Variants in TBC1D19 observed in about 807,000 individuals in gnomAD.
The protein encoded by TBC1D19 is TBC1 domain family, member 19.
Under a neutral mutation model 89.0 loss-of-function variants are expected in TBC1D19, and 60 were observed. That is an observed-to-expected ratio of 0.67 (90% CI 0.55 to 0.84). The LOEUF (loss-of-function observed/expected upper bound fraction) is 0.84. Ranked by LOEUF, TBC1D19 falls within the 40% of genes least tolerant of loss-of-function variation. The pLI is 0.00. For missense variants in TBC1D19, 500 were observed against 610.8 expected (o/e 0.82, Z 1.91); for synonymous variants, 189 against 199.7 (o/e 0.95, Z 0.45).
chr4:26,639,480 T>C (rs1005296536), intron 6 of TBC1D19, among the ~76,000 whole-genome samples: 1 of 152,194 alleles, frequency 6.6e-6, no homozygotes, highest in Non-Finnish European at 1.5e-5. Context: ...TTAATTATAT[T>C]GGGTTGTTAA....
chr4:26,661,562 A>G (rs963030714), intron 8 of TBC1D19, among the ~76,000 whole-genome samples: 3 of 152,168 alleles, frequency 2.0e-5, no homozygotes, highest in African/African-American at 7.2e-5. Flanking sequence ...TTCTTCCAGT[A>G]TGAGAGGCAG....
At chr4:26,765,259 G>A in the TBC1D19 span, among the ~76,000 whole-genome samples, 1 of 152,116 alleles carries the variant, frequency 6.6e-6, no homozygotes, top group Non-Finnish European at 1.5e-5. Flanking sequence ...TGGCATTGAG[G>A]AGTAAGGTTG....
chr4:26,599,068 ATG>A (rs1740428029), intron 1 of TBC1D19, among the ~76,000 whole-genome samples: 1 of 152,206 alleles, frequency 6.6e-6, no homozygotes, highest in East Asian at 1.9e-4. Flanking sequence ...TATTATATAT[ATG>A]TATATTTGTA....
rs74476304 is a variant in TBC1D19 at position 26,604,006 on chromosome 4, C to G, written c.100-9163C>G. Among the ~76,000 whole-genome samples, 1,227 of 152,234 alleles carry G rather than the reference C, an allele frequency of 8.1e-3. 7 individuals are homozygous for G. Among genetic ancestry groups the G allele is most frequent in the Middle Eastern group, 0.014 (4 of 294 alleles). On this transcript the variant is annotated intron_variant, in intron 1 of 20. Coordinates refer to ENST00000264866, the MANE Select transcript of TBC1D19 (RefSeq NM_018317.4). ...CCTGTAGTAACCACCATTCTATGGT[C>G]TGTCTCTATGAATTTAACCACTTTA...
At chr4:26,610,036 T>C (rs1741261006) in intron 1 of TBC1D19, among the ~76,000 whole-genome samples, 1 of 152,046 alleles carries the variant, frequency 6.6e-6, no homozygotes, top group South Asian at 2.1e-4. Context: ...AAGGGAGTTT[T>C]GAGAGTGCCA....
At chr4:26,644,163 G>C (rs1339755381) in intron 7 of TBC1D19, among the ~76,000 whole-genome samples, 1 of 151,978 alleles carries the variant, frequency 6.6e-6, no homozygotes, top group African/African-American at 2.4e-5. Context: ...ACATTGATGT[G>C]AAAATTCTCA....
At chr4:26,657,424 T>A (rs1744930490) in intron 7 of TBC1D19, among the ~76,000 whole-genome samples, 1 of 152,194 alleles carries the variant, frequency 6.6e-6, no homozygotes, top group African/African-American at 2.4e-5. Flanking sequence ...CTCATCCTTT[T>A]TTATGGCTAT....
At chr4:26,688,322 G>T in intron 12 of TBC1D19, 23 bp from the exon 13 acceptor site, 1 of 1,564,934 alleles carries the variant, frequency 6.4e-7, no homozygotes, top group African/African-American at 1.4e-5. Context: ...GTTCTTTTCA[G>T]TACTGTCTAC....
At chr4:26,690,132 C>T (rs147517398) in intron 13 of TBC1D19, among the ~76,000 whole-genome samples, 251 of 152,312 alleles carry the variant, frequency 1.6e-3, no homozygotes, top group Admixed American at 4.4e-3. Flanking sequence ...CTAGCCATGA[C>T]ATTCCCCTAA....
the TBC1D19 span, among the ~76,000 whole-genome samples, chr4:26,841,151 C>A: frequency 2.6e-5 from 4 of 152,076 alleles, no homozygotes; most frequent in Non-Finnish European, 5.9e-5. Flanking sequence ...CTAAGGTGGG[C>A]GGATCACCTG....
intron 1 of TBC1D19, among the ~76,000 whole-genome samples, chr4:26,599,468 A>G (rs527608750): frequency 4.6e-5 from 7 of 152,302 alleles, no homozygotes; most frequent in African/African-American, 9.6e-5. Context: ...ACAGCCAAAT[A>G]TAAGTGATTT....
the TBC1D19 span, among the ~76,000 whole-genome samples, chr4:26,830,259 T>G: frequency 1.3e-5 from 2 of 152,216 alleles, no homozygotes; most frequent in Non-Finnish European, 2.9e-5. Flanking sequence ...CACCCTTGAA[T>G]GACCAGGACT....
At chr4:26,838,729 C>A in the TBC1D19 span, among the ~76,000 whole-genome samples, 3 of 152,198 alleles carry the variant, frequency 2.0e-5, no homozygotes, top group African/African-American at 7.2e-5. Context: ...GATTCCAAAA[C>A]CTGATCTAAA....
At chr4:26,799,213 T>C in the TBC1D19 span, among the ~76,000 whole-genome samples, 1 of 152,054 alleles carries the variant, frequency 6.6e-6, no homozygotes, top group African/African-American at 2.4e-5. Context: ...GGTGTGGTAT[T>C]GGGGCCTATA....
the TBC1D19 span, among the ~76,000 whole-genome samples, chr4:26,763,258 C>G: frequency 6.6e-6 from 1 of 152,126 alleles, no homozygotes; most frequent in Non-Finnish European, 1.5e-5. Flanking sequence ...ACCTGAAAGA[C>G]TGGTTCAGGC....
intron 11 of TBC1D19, among the ~76,000 whole-genome samples, chr4:26,678,790 G>C (rs1213052453): frequency 6.6e-6 from 1 of 152,120 alleles, no homozygotes; most frequent in Non-Finnish European, 1.5e-5. Context: ...AAATATGGGG[G>C]AGGTATGTAG....
chr4:26,597,951 T>G (rs28503267), intron 1 of TBC1D19, among the ~76,000 whole-genome samples: 250 of 152,336 alleles, frequency 1.6e-3, no homozygotes, highest in African/African-American at 5.7e-3. Context: ...TTATATAAAT[T>G]ATTACTTTCA....
rs1284133921 is a variant in TBC1D19 at position 26,755,726 on chromosome 4, A to G, written c.*779A>G. Among the ~76,000 whole-genome samples the G allele has an allele frequency of 6.6e-6, 1 of 152,204 alleles. No individual in the cohort carries two copies. The highest frequency in any genetic ancestry group is 1.5e-5 in the Non-Finnish European group (1 of 68,022). ...TGTAACTATACAAGGAAGACACCCA[A>G]GAGAATGAGGAGTCAAAACCCCATT... On this transcript the variant is annotated 3_prime_UTR_variant, in exon 21 of 21. Coordinates refer to ENST00000264866, the MANE Select transcript of TBC1D19 (RefSeq NM_018317.4).
At chr4:26,846,502 T>C in the TBC1D19 span, among the ~76,000 whole-genome samples, 1 of 152,166 alleles carries the variant, frequency 6.6e-6, no homozygotes, top group Admixed American at 6.5e-5. Flanking sequence ...AATTCTCCCA[T>C]TGTCAAATGG....
Sources: gnomAD v4.1 joint callset for allele counts (sites outside exome capture counted in the v4.1 genomes callset) on GRCh38, gnomAD v4.1.1 for gene constraint, MANE v1.5 for transcripts, NCBI Gene and HGNC (gene_info 2026-07-23, HGNC 2026-07-21) for gene names.